The following MYH7B variants were observed in gnomAD, a reference collection of about 807,000 sequenced individuals.
The protein encoded by MYH7B is myosin-7B.
In MYH7B, 205 loss-of-function variants were observed where a neutral mutation model predicts 234.5. The ratio of observed to expected loss-of-function variants is 0.87; its 90% CI spans 0.78 to 0.98. The LOEUF (loss-of-function observed/expected upper bound fraction) is 0.98. MYH7B is among the 50% of genes least tolerant of loss of function. The pLI is 0.00. For missense variants in MYH7B, 2,652 were observed against 2,633.4 expected, an observed-to-expected ratio of 1.01 and a Z score of -0.15; for synonymous variants, 1,193 against 1,105.0, an observed-to-expected ratio of 1.08 and a Z score of -1.58.
chr20:34,972,024 C>G (rs766044468), intron 2 of MYH7B, among the ~76,000 whole-genome samples: 11 of 152,154 alleles, frequency 7.2e-5, no homozygotes, highest in Non-Finnish European at 1.5e-4. Context: ...TTTCCTGTCC[C>G]CTCTTGCCAC....
At chr20:34,992,561 G>GTTT (rs71196773) in intron 24 of MYH7B, among the ~76,000 whole-genome samples, 16 of 118,310 alleles carry the variant, frequency 1.4e-4, no homozygotes, top group Non-Finnish European at 2.2e-4. Flanking sequence ...CCAAGGTTGT[G>GTTT]TTTTTTTTTT....
chr20:34,958,590 T>C (rs1401915887), intron 2 of MYH7B, among the ~76,000 whole-genome samples: 1 of 152,080 alleles, frequency 6.6e-6, no homozygotes, highest in Non-Finnish European at 1.5e-5. Context: ...CTCAGTCTCC[T>C]GAGTAGCTGG....
At chr20:34,977,783 G>T in intron 4 of MYH7B, 103 bp downstream of exon 4, 1 of 1,508,186 alleles carries the variant, frequency 6.6e-7, no homozygotes, top group Non-Finnish European at 9.1e-7. Context: ...ATCTGGAGTG[G>T]AGGAAGCCCT....
intron 10 of MYH7B, among the ~76,000 whole-genome samples, chr20:34,983,298 CTTT>C (rs57589264): frequency 0.015 from 1,068 of 71,592 alleles, 8 homozygotes; most frequent in African/African-American, 0.035. Flanking sequence ...CTTTTCTTTT[CTTT>C]TTTTTTTTTT....
In MYH7B at chr20:34,980,730, G is replaced by GCC. The variant is rs1179574234; in HGVS notation, c.496_497insCC (p.Arg166ProfsTer10). Reference sequence around the variant, plus strand: ...CGGACAACGCCTACAACGACATGCTGCGCAGTAAGGGCCGCCTGGACTCCT... The same window carrying GCC: ...CGGACAACGCCTACAACGACATGCTGCCCGCAGTAAGGGCCGCCTGGACTCCT... On this transcript the variant is annotated frameshift_variant, in exon 8 of 45. Coordinates refer to ENST00000262873, the Ensembl canonical transcript of MYH7B. LOFTEE classifies it high-confidence loss of function. The GCC allele has an allele frequency of 1.2e-6, 2 of 1,613,404 alleles. No individual in the cohort carries two copies. Among genetic ancestry groups the GCC allele is most frequent in the Non-Finnish European group, 1.7e-6 (2 of 1,179,584 alleles).
chr20:34,982,634 T>TC (rs1254453728), intron 10 of MYH7B, 79 bp downstream of exon 10: 11 of 1,171,962 alleles, frequency 9.4e-6, no homozygotes, highest in African/African-American at 6.3e-5. Context: ...TTTTTTTTTT[T>TC]CCCCCTTTTT....
chr20:34,968,137 G>A (rs1162706082), intron 2 of MYH7B, among the ~76,000 whole-genome samples: 2 of 152,210 alleles, frequency 1.3e-5, no homozygotes, highest in Non-Finnish European at 2.9e-5. Flanking sequence ...TTGCAGAGAA[G>A]GAACCCAGGG....
exon 2 of MYH7B, among the ~76,000 whole-genome samples, chr20:34,958,162 G>A (rs1245466778): frequency 1.3e-5 from 2 of 152,208 alleles, no homozygotes; most frequent in Non-Finnish European, 2.9e-5. Context: ...GATTTGGGGA[G>A]GATCCCAGAC....
exon 45 of MYH7B, chr20:35,002,312 A>G: frequency 9.2e-7 from 1 of 1,085,212 alleles, no homozygotes; most frequent in Non-Finnish European, 1.3e-6. Context: ...TGGGCCCTGA[A>G]TAAACACCAC....
At chr20:35,001,281 A>G (rs2082374587) in exon 42 of MYH7B, 1 of 1,612,970 alleles carries the variant, frequency 6.2e-7, no homozygotes, top group Non-Finnish European at 8.5e-7. Flanking sequence ...TGCAGAGCAG[A>G]AGAAGCACGC....
In MYH7B at chr20:34,994,334, AG is replaced by A; in HGVS notation, c.2635del (p.Glu879AsnfsTer37). ...CTGGCTGCGGCCGAGGCCAAGCGCC[AG>A]GAACTGGAGGAGACGCACGTCAGCA... On this transcript the variant is annotated frameshift_variant, in exon 27 of 45. Coordinates refer to ENST00000262873, the Ensembl canonical transcript of MYH7B. LOFTEE classifies it high-confidence loss of function. The A allele has an allele frequency of 6.2e-7, 1 of 1,608,156 alleles. No homozygotes were observed. Among genetic ancestry groups the A allele is most frequent in the Non-Finnish European group, 8.5e-7 (1 of 1,177,048 alleles).
At position 34,985,950 on chromosome 20, in the gene MYH7B, A is replaced by C; in HGVS notation, c.806-150A>C. 4.4e-6 allele frequency: 3 copies of C among 676,338 alleles called. No individual in the cohort carries two copies. The South Asian group carries it at 5.2e-5, about 12-fold the overall frequency. The allele number at this position is 676,338 out of a possible 1,614,324, so 41.9% of individuals were successfully genotyped here. A position where few individuals can be genotyped will look rare whatever the true frequency, so the allele number is the denominator to read the frequency against. On this transcript the variant is annotated intron_variant, in intron 13 of 44. Coordinates refer to ENST00000262873, the Ensembl canonical transcript of MYH7B. ...ACGGCTCGTGTGATGACGCAGGCACAGGGGAGATACCCTCCCCACACAAGC... is the reference window on the plus strand; with the variant it reads ...ACGGCTCGTGTGATGACGCAGGCACCGGGGAGATACCCTCCCCACACAAGC...
Position 34,985,035 on chromosome 20 carries a change from C to A in MYH7B, c.742-31C>A, listed in dbSNP as rs375438394. The A allele has an allele frequency of 1.9e-6, 3 of 1,613,880 alleles. No individual in the cohort carries two copies. The Admixed American group carries it at 5.0e-5, about 27-fold the overall frequency. ...AGGTGGGGACAGTGCTGGCTGTGCC[C>A]CTTGGCTGAGGGCTGCCCCTCTGCC... is the stretch of plus-strand genomic sequence containing the variant. On this transcript the variant is annotated intron_variant, in intron 12 of 44. Transcript: ENST00000262873.
intron 1 of MYH7B, among the ~76,000 whole-genome samples, chr20:34,957,417 T>A (rs2081650147): frequency 6.6e-6 from 1 of 151,640 alleles, no homozygotes; most frequent in African/African-American, 2.4e-5. Context: ...TCAAAGAAAT[T>A]TAGGAGTGAG....
In MYH7B at chr20:34,996,910, C is replaced by T. The variant is rs1311928832; in HGVS notation, c.3266+152C>T. On this transcript the variant is annotated intron_variant, in intron 30 of 44. Transcript: ENST00000262873. ...GGGTGCAGGGGTAGTGTCTTGCCCT[C>T]CCTGTACTGAGGGCCCTAGCCAGGG... The T allele has an allele frequency of 2.3e-6, 3 of 1,330,550 alleles. No homozygotes were observed. In the African/African-American group the frequency reaches 4.4e-5, roughly 20 times the overall value. 82.4% of individuals were successfully genotyped at this position (1,330,550 alleles called of 1,614,324 possible).
Position 34,993,319 on chromosome 20 carries a change from C to T in MYH7B, c.2308-15C>T, listed in dbSNP as rs200357373. On this transcript the variant is annotated splice_polypyrimidine_tract_variant and intron_variant, in intron 25 of 44. Coordinates refer to ENST00000262873, the Ensembl canonical transcript of MYH7B. ...GGTTGGGGGTTACCCTGGCTGTCTACCTCTCCGCCCCCAGGTGTTCTTCAA... is the reference window on the plus strand; with the variant it reads ...GGTTGGGGGTTACCCTGGCTGTCTATCTCTCCGCCCCCAGGTGTTCTTCAA... 8 of 1,614,092 alleles carry T rather than the reference C, an allele frequency of 5.0e-6. No homozygotes were observed. In the Admixed American group the frequency reaches 1.0e-4, roughly 20 times the overall value.
In MYH7B at chr20:34,979,753, G is replaced by C. The variant is rs1470157889; in HGVS notation, c.291G>C (p.Glu97Asp). ...TGGCCATGATGACGCACCTGAACGA[G>C]GCCTCTGTGCTGCACAACCTGCGCC... Residue 97 changes from glutamate (E) to aspartate (D), a missense_variant, in exon 7 of 45, where the codon GAG (glutamate) becomes GAC (aspartate). This residue lies in a region of MYH7B where 366 missense variants were observed against 401.2 expected (regional missense o/e 0.91). Coordinates refer to ENST00000262873, the Ensembl canonical transcript of MYH7B. 1.9e-6 allele frequency: 3 copies of C among 1,614,176 alleles called. No homozygotes were observed. The South Asian group carries it at 3.3e-5, about 18-fold the overall frequency.
intron 5 of MYH7B, 59 bp from the exon 6 acceptor site, chr20:34,979,331 G>C: frequency 1.4e-6 from 2 of 1,383,710 alleles, no homozygotes; most frequent in Non-Finnish European, 2.0e-6. Flanking sequence ...GGGAACTCCA[G>C]CTAGAACCTG....
exon 11 of MYH7B, chr20:34,984,714 G>C (rs749392595): frequency 6.2e-7 from 1 of 1,605,606 alleles, no homozygotes; most frequent in Non-Finnish European, 8.5e-7. Flanking sequence ...ACAAAGACGG[G>C]GGTGAGTATG....
Sources: gnomAD v4.1 joint callset for allele counts (sites outside exome capture counted in the v4.1 genomes callset) on GRCh38, gnomAD v4.1.1 for gene constraint, gnomAD v4.1.1 regional missense constraint, MANE v1.5 for transcripts, NCBI Gene and HGNC (gene_info 2026-07-23, HGNC 2026-07-21) for gene names.